Variants in NEDD9 observed in about 807,000 individuals in gnomAD.
The protein encoded by NEDD9 is neural precursor cell expressed, developmentally down-regulated 9.
Under a neutral mutation model 76.6 loss-of-function variants are expected in NEDD9, and 26 were observed. The observed-to-expected ratio is 0.34, with a 90% CI of 0.25 to 0.47. NEDD9 has a LOEUF of 0.47. Ranked by LOEUF, NEDD9 falls within the 20% of genes least tolerant of loss-of-function variation. The pLI is 1.00. For synonymous variants in NEDD9, 392 were observed against 414.2 expected (o/e 0.95, Z 0.65); for missense variants, 937 against 1,058.5 (o/e 0.89, Z 1.59).
intron 3 of NEDD9, among the ~76,000 whole-genome samples, chr6:11,267,230 T>C (rs1760216830): frequency 6.6e-6 from 1 of 151,986 alleles, no homozygotes; most frequent in Admixed American, 6.5e-5. Flanking sequence ...TCCCTGCAAA[T>C]GTGTCCTTTC....
At chr6:11,229,475 C>T (rs1759404812) in intron 1 of NEDD9, among the ~76,000 whole-genome samples, 1 of 152,044 alleles carries the variant, frequency 6.6e-6, no homozygotes, top group Non-Finnish European at 1.5e-5. Context: ...AGAGACCCTT[C>T]CATCACCCTC....
intron 1 of NEDD9, among the ~76,000 whole-genome samples, chr6:11,355,772 G>A (rs1048059233): frequency 9.8e-4 from 149 of 151,856 alleles, no homozygotes; most frequent in Non-Finnish European, 1.8e-3. Context: ...CCAGGCTGGA[G>A]GGCAGTGGCG....
intron 3 of NEDD9, among the ~76,000 whole-genome samples, chr6:11,302,019 G>A (rs1761058495): frequency 1.3e-5 from 2 of 152,068 alleles, no homozygotes; most frequent in African/African-American, 4.8e-5. Flanking sequence ...AAAGATCAGA[G>A]CAGAACTGAA....
At chr6:11,358,853 C>T (rs1284227198) in intron 1 of NEDD9, among the ~76,000 whole-genome samples, 1 of 152,110 alleles carries the variant, frequency 6.6e-6, no homozygotes, top group Non-Finnish European at 1.5e-5. Context: ...AATTCAAATA[C>T]TGAGAGAGGG....
intron 2 of NEDD9, among the ~76,000 whole-genome samples, chr6:11,326,552 A>T (rs1761933413): frequency 6.6e-6 from 1 of 152,246 alleles, no homozygotes; most frequent in Admixed American, 6.5e-5. Context: ...ACCATTCTGG[A>T]GTCACCTGGA....
intron 1 of NEDD9, among the ~76,000 whole-genome samples, chr6:11,349,718 A>G (rs946110475): frequency 6.6e-6 from 1 of 152,218 alleles, no homozygotes; most frequent in African/African-American, 2.4e-5. Context: ...GAGCTAAATA[A>G]TAAGAACACA....
At chr6:11,312,397 G>C (rs938888556) in intron 2 of NEDD9, among the ~76,000 whole-genome samples, 1 of 151,822 alleles carries the variant, frequency 6.6e-6, no homozygotes, top group Admixed American at 6.6e-5. Flanking sequence ...TCCTCTCGAC[G>C]ATGCCTCCTG....
At chr6:11,232,694 G>T, upstream of NEDD9, 1 of 1,452,946 alleles carries the variant, frequency 6.9e-7, no homozygotes, top group East Asian at 2.5e-5. Flanking sequence ...ACTGAGGCAG[G>T]CTGATCGCGG....
intron 2 of NEDD9, chr6:11,199,282 A>AG (rs1758367048): frequency 6.6e-6 from 1 of 152,210 alleles, no homozygotes; most frequent in South Asian, 2.1e-4. Flanking sequence ...AGGTCTGAAG[A>AG]GGGAAGTAAT....
At chr6:11,330,560 G>A (rs750008873) in intron 2 of NEDD9, among the ~76,000 whole-genome samples, 2 of 152,152 alleles carry the variant, frequency 1.3e-5, no homozygotes, top group Non-Finnish European at 2.9e-5. Flanking sequence ...GCTGAGACTG[G>A]AAGCCAATCA....
chr6:11,366,294 G>A (rs13362735), intron 1 of NEDD9, among the ~76,000 whole-genome samples: 6 of 117,288 alleles, frequency 5.1e-5, no homozygotes, highest in African/African-American at 2.1e-4. Context: ...AAGGAAGGAA[G>A]GAAAGAAAGA....
intron 2 of NEDD9, among the ~76,000 whole-genome samples, chr6:11,313,034 C>T (rs933401537): frequency 1.3e-5 from 2 of 152,024 alleles, no homozygotes; most frequent in African/African-American, 4.8e-5. Context: ...AAGTGCAGGA[C>T]CCCTAGGACT....
chr6:11,282,720 T>C (rs1429284816), intron 3 of NEDD9, among the ~76,000 whole-genome samples: 1 of 152,244 alleles, frequency 6.6e-6, no homozygotes, highest in Non-Finnish European at 1.5e-5. Context: ...CCTCTTTGAC[T>C]ACTACCTTCC....
chr6:11,355,262 C>T (rs1762543737), intron 1 of NEDD9, among the ~76,000 whole-genome samples: 1 of 151,988 alleles, frequency 6.6e-6, no homozygotes, highest in Non-Finnish European at 1.5e-5. Flanking sequence ...CCCTTAAATC[C>T]TTCTGGAATG....
At chr6:11,362,533 T>G (rs1762696177) in intron 1 of NEDD9, among the ~76,000 whole-genome samples, 1 of 152,236 alleles carries the variant, frequency 6.6e-6, no homozygotes, top group Non-Finnish European at 1.5e-5. Flanking sequence ...CACATCTTAT[T>G]TTTTTATAGA....
chr6:11,192,766 C>T (rs1360273955), intron 3 of NEDD9, among the ~76,000 whole-genome samples: 1 of 150,756 alleles, frequency 6.6e-6, no homozygotes, highest in Non-Finnish European at 1.5e-5. Flanking sequence ...AACCCCATCT[C>T]TACTAAAAAT....
chr6:11,201,527 C>T (rs949323519), intron 2 of NEDD9, among the ~76,000 whole-genome samples: 6 of 152,170 alleles, frequency 3.9e-5, no homozygotes, highest in Admixed American at 3.3e-4. Flanking sequence ...CAGAAAAATC[C>T]TACTCTTTGA....
intron 2 of NEDD9, among the ~76,000 whole-genome samples, chr6:11,319,747 CACTAACAT>C (rs1761735834): frequency 1.3e-5 from 1 of 77,012 alleles, no homozygotes; most frequent in Non-Finnish European, 3.1e-5. Flanking sequence ...TGCACACACA[CACTAACAT>C]GCACACTAAC....
intron 3 of NEDD9, among the ~76,000 whole-genome samples, chr6:11,268,740 CACACAG>C (rs1339150122): frequency 4.1e-4 from 61 of 149,024 alleles, no homozygotes; most frequent in Middle Eastern, 3.5e-3. Context: ...CACACACACA[CACACAG>C]ACACACACAC....
Sources: gnomAD v4.1 joint callset for allele counts (sites outside exome capture counted in the v4.1 genomes callset) on GRCh38, gnomAD v4.1.1 for gene constraint, MANE v1.5 for transcripts, NCBI Gene and HGNC (gene_info 2026-07-23, HGNC 2026-07-21) for gene names.